ATRNL1: variants seen among roughly 807,000 people sequenced by gnomAD.
ATRNL1 encodes the protein attractin like 1.
Under a neutral mutation model 182.7 loss-of-function variants are expected in ATRNL1, and 95 were observed. The observed-to-expected ratio is 0.52, with a 90% CI of 0.44 to 0.62. ATRNL1 has a LOEUF of 0.62. Ranked by LOEUF, ATRNL1 falls within the 20% of genes least tolerant of loss-of-function variation. The probability of loss-of-function intolerance (pLI) is 0.00; values close to 1 mark genes in which losing one functional copy is unlikely to be tolerated. For synonymous variants in ATRNL1, 576 were observed against 568.3 expected, an observed-to-expected ratio of 1.01 and a Z score of -0.19; for missense variants, 1,471 against 1,679.5, an observed-to-expected ratio of 0.88 and a Z score of 2.17.
intron 27 of ATRNL1, among the ~76,000 whole-genome samples, chr10:115,838,628 ATACT>A (rs1278918172): frequency 1.3e-5 from 2 of 152,186 alleles, no homozygotes; most frequent in South Asian, 2.1e-4. Context: ...TAGCTGTAAC[ATACT>A]TACTCATTCG....
intron 26 of ATRNL1, among the ~76,000 whole-genome samples, chr10:115,617,353 G>GT (rs1185422736): frequency 5.0e-4 from 66 of 132,424 alleles, no homozygotes; most frequent in Admixed American, 1.3e-3. Flanking sequence ...AACTAACTTG[G>GT]TTTTTTTTTG....
At chr10:115,231,419 A>G (rs1384332965) in intron 9 of ATRNL1, among the ~76,000 whole-genome samples, 1 of 152,186 alleles carries the variant, frequency 6.6e-6, no homozygotes, top group Non-Finnish European at 1.5e-5. Flanking sequence ...TCAAATAAAG[A>G]TGAGAGAAGA....
chr10:115,481,846 A>G (rs1028307664), intron 24 of ATRNL1, among the ~76,000 whole-genome samples: 2 of 151,082 alleles, frequency 1.3e-5, no homozygotes, highest in Non-Finnish European at 3.0e-5. Context: ...ATATAACTAT[A>G]CTTGATTTGT....
chr10:115,751,435 T>C (rs1225951750), intron 27 of ATRNL1, among the ~76,000 whole-genome samples: 1 of 152,042 alleles, frequency 6.6e-6, no homozygotes, highest in Non-Finnish European at 1.5e-5. Flanking sequence ...TAAAATACTC[T>C]TAAGAGGAAG....
intron 20 of ATRNL1, among the ~76,000 whole-genome samples, chr10:115,426,042 A>G (rs1233241473): frequency 6.6e-6 from 1 of 151,934 alleles, no homozygotes; most frequent in Non-Finnish European, 1.5e-5. Flanking sequence ...TCACTATTTC[A>G]TCTCTCACTT....
intron 27 of ATRNL1, among the ~76,000 whole-genome samples, chr10:115,750,043 T>C (rs1555070262): frequency 3.9e-5 from 6 of 151,918 alleles, no homozygotes; most frequent in Non-Finnish European, 4.4e-5. Context: ...CATTTTCATT[T>C]ATACATTTTA....
intron 19 of ATRNL1, among the ~76,000 whole-genome samples, chr10:115,368,255 AG>A (rs1301660801): frequency 6.6e-6 from 1 of 152,212 alleles, no homozygotes; most frequent in Non-Finnish European, 1.5e-5. Flanking sequence ...CGGTCCGAAA[AG>A]CGCAATATTC....
intron 5 of ATRNL1, among the ~76,000 whole-genome samples, chr10:115,159,220 T>C (rs1340044725): frequency 2.0e-5 from 3 of 151,486 alleles, no homozygotes; most frequent in Non-Finnish European, 1.5e-5. Context: ...CATAGGAGTT[T>C]ATGTCTAGTA....
At chr10:115,796,501 T>C (rs1949657279) in intron 27 of ATRNL1, among the ~76,000 whole-genome samples, 1 of 152,188 alleles carries the variant, frequency 6.6e-6, no homozygotes, top group Non-Finnish European at 1.5e-5. Context: ...TGGACTGAAG[T>C]TCATGGCCGA....
chr10:115,151,409 C>T (rs1846221989), intron 5 of ATRNL1, among the ~76,000 whole-genome samples: 2 of 152,160 alleles, frequency 1.3e-5, no homozygotes, highest in South Asian at 4.1e-4. Flanking sequence ...TTAATGATCG[C>T]CATTCTAACT....
chr10:115,272,804 A>G (rs531564399), intron 13 of ATRNL1, among the ~76,000 whole-genome samples: 92 of 152,280 alleles, frequency 6.0e-4, no homozygotes, highest in African/African-American at 2.1e-3. Flanking sequence ...GTTGCTTGAC[A>G]ATTGTAGGGA....
At chr10:115,575,868 A>G (rs188776632) in intron 26 of ATRNL1, among the ~76,000 whole-genome samples, 1 of 152,046 alleles carries the variant, frequency 6.6e-6, no homozygotes, top group East Asian at 1.9e-4. Flanking sequence ...CCTAACTTCA[A>G]GTTTGTACTT....
rs1851534980 is a variant in ATRNL1 at position 115,530,871 on chromosome 10, A to G, written c.3716+11547A>G. ...TCAATTCCCACCTATGAGTGAGAAC[A>G]TGTGGTGTTTGGTTTTTTGTCCTTG... On this transcript the variant is annotated intron_variant, in intron 25 of 28. Coordinates refer to ENST00000355044, the MANE Select transcript of ATRNL1 (RefSeq NM_207303.4). 2.1e-5 allele frequency among the ~76,000 whole-genome samples: 3 copies of G among 146,320 alleles called. No individual in the cohort carries two copies. In the South Asian group the frequency reaches 6.5e-4, roughly 32 times the overall value.
intron 26 of ATRNL1, among the ~76,000 whole-genome samples, chr10:115,556,213 C>G (rs539183888): frequency 2.0e-5 from 3 of 152,152 alleles, no homozygotes; most frequent in Non-Finnish European, 2.9e-5. Context: ...ACTTATTCAA[C>G]TATTGCACAA....
chr10:115,207,154 T>G (rs1554893975), intron 8 of ATRNL1, among the ~76,000 whole-genome samples: 1 of 152,174 alleles, frequency 6.6e-6, no homozygotes, highest in East Asian at 1.9e-4. Flanking sequence ...AACATACATG[T>G]GCATGTGTCT....
intron 8 of ATRNL1, among the ~76,000 whole-genome samples, chr10:115,197,349 T>C (rs1025113259): frequency 1.3e-5 from 2 of 152,240 alleles, no homozygotes; most frequent in South Asian, 2.1e-4. Flanking sequence ...GTAATATCTT[T>C]ATATGGTTTT....
intron 18 of ATRNL1, among the ~76,000 whole-genome samples, chr10:115,325,222 A>G (rs1364617967): frequency 2.0e-5 from 3 of 152,124 alleles, no homozygotes; most frequent in South Asian, 2.1e-4. Flanking sequence ...AATAGAATGG[A>G]TGACTTCTCT....
chr10:115,251,871 C>T (rs1219084388), intron 10 of ATRNL1, among the ~76,000 whole-genome samples: 3 of 152,128 alleles, frequency 2.0e-5, no homozygotes, highest in Non-Finnish European at 4.4e-5. Context: ...AAAGGAAAAT[C>T]CTGCATCTTG....
chr10:115,108,017 A>G (rs1300061178), intron 1 of ATRNL1, among the ~76,000 whole-genome samples: 1 of 152,176 alleles, frequency 6.6e-6, no homozygotes, highest in African/African-American at 2.4e-5. Flanking sequence ...CTTGATGAAT[A>G]GCACGTGACT....
Sources: allele counts gnomAD v4.1 joint callset (sites outside exome capture counted in the v4.1 genomes callset), GRCh38; gene constraint gnomAD v4.1.1; transcripts MANE v1.5; gene names NCBI Gene and HGNC (gene_info 2026-07-23, HGNC 2026-07-21).